The following OR3A2 variants were observed in gnomAD, a reference collection of about 807,000 sequenced individuals.
The protein encoded by OR3A2 is olfactory receptor family 3 subfamily A member 2, also known as olfactory receptor 3A2.
For synonymous variants in OR3A2, 126 were observed against 159.3 expected (o/e 0.79, Z 1.57); for missense variants, 318 against 392.8 (o/e 0.81, Z 1.61).
intron 2 of OR3A2, among the ~76,000 whole-genome samples, chr17:3,347,490 C>G (rs201124222): frequency 6.6e-6 from 1 of 152,018 alleles, no homozygotes; most frequent in Admixed American, 6.6e-5. Flanking sequence ...TGAGAACATG[C>G]GGTGTTTGGT....
intron 2 of OR3A2, among the ~76,000 whole-genome samples, chr17:3,362,500 T>C (rs1318413105): frequency 6.6e-6 from 1 of 151,766 alleles, no homozygotes; most frequent in Admixed American, 6.6e-5. Context: ...GTTCTTTTCA[T>C]TGTGATGTTA....
At chr17:3,367,013 G>A (rs189235859) in intron 2 of OR3A2, among the ~76,000 whole-genome samples, 1 of 152,160 alleles carries the variant, frequency 6.6e-6, no homozygotes, top group African/African-American at 2.4e-5. Flanking sequence ...TCTGCAACTG[G>A]TCCTGAACAT....
chr17:3,376,127 A>C (rs532301704), intron 2 of OR3A2, among the ~76,000 whole-genome samples: 2 of 152,204 alleles, frequency 1.3e-5, no homozygotes, highest in Non-Finnish European at 2.9e-5. Flanking sequence ...TCTCTGGTTG[A>C]CCAGGGTGTT....
At position 3,381,323 on chromosome 17, in the gene OR3A2, T is replaced by G. The variant is rs1468987382; in HGVS notation, c.-179+2481A>C. On this transcript the variant is annotated intron_variant, in intron 2 of 4. Coordinates refer to the OR3A2 transcript ENST00000573491. The stretch of plus-strand genomic sequence containing the variant: ...TGAGCTGCCTCAAACATAGGGTTTT[T>G]TTTTTTTTTTTAAATTCTAGATCCT... Among the ~76,000 whole-genome samples the G allele has an allele frequency of 7.4e-5, 11 of 148,014 alleles. No homozygotes were observed. The East Asian group carries it at 9.7e-4, about 13-fold the overall frequency.
At chr17:3,297,509 G>A (rs554990543) in intron 3 of OR3A2, among the ~76,000 whole-genome samples, 1 of 147,750 alleles carries the variant, frequency 6.8e-6, no homozygotes, top group Non-Finnish European at 1.5e-5. Context: ...CTCTGTAAAG[G>A]TTTTCCTGGT....
At chr17:3,296,885 T>C (rs2048922945) in intron 3 of OR3A2, among the ~76,000 whole-genome samples, 4 of 152,238 alleles carry the variant, frequency 2.6e-5, no homozygotes, top group Admixed American at 2.0e-4. Context: ...GGAATCATTT[T>C]TTCCAATGTT....
At chr17:3,318,749 A>G (rs1448622106) in intron 3 of OR3A2, among the ~76,000 whole-genome samples, 1 of 152,158 alleles carries the variant, frequency 6.6e-6, no homozygotes, top group Non-Finnish European at 1.5e-5. Flanking sequence ...TTCCACAGCT[A>G]TTTCCCTAAA....
intron 3 of OR3A2, among the ~76,000 whole-genome samples, chr17:3,320,792 T>G (rs561177532): frequency 9.2e-5 from 14 of 152,128 alleles, no homozygotes; most frequent in Non-Finnish European, 1.6e-4. Context: ...CCTTGCAGTA[T>G]AGTTGGAAGT....
intron 3 of OR3A2, among the ~76,000 whole-genome samples, chr17:3,301,960 G>A (rs898278453): frequency 6.6e-6 from 1 of 152,106 alleles, no homozygotes; most frequent in African/African-American, 2.4e-5. Context: ...CAGACAAGCA[G>A]AGAGCCAAAT....
chr17:3,291,600 C>T (rs371054292), intron 3 of OR3A2: 3 of 1,512,922 alleles, frequency 2.0e-6, no homozygotes, highest in African/African-American at 2.8e-5. Context: ...TCCTTTAGTA[C>T]AAGACACAGG....
At chr17:3,373,235 T>A (rs1410300747) in intron 2 of OR3A2, among the ~76,000 whole-genome samples, 1 of 152,216 alleles carries the variant, frequency 6.6e-6, no homozygotes, top group Non-Finnish European at 1.5e-5. Context: ...TCTTGGAGAA[T>A]GTTCTATGTG....
intron 3 of OR3A2, among the ~76,000 whole-genome samples, chr17:3,326,499 T>A (rs2049174112): frequency 6.6e-6 from 1 of 152,034 alleles, no homozygotes; most frequent in South Asian, 2.1e-4. Flanking sequence ...TATGGACATT[T>A]ATCAGTTCCC....
intron 2 of OR3A2, among the ~76,000 whole-genome samples, chr17:3,344,650 A>G (rs1395959551): frequency 6.6e-6 from 1 of 152,108 alleles, no homozygotes; most frequent in Non-Finnish European, 1.5e-5. Flanking sequence ...AAATCCCTCA[A>G]ACCACCTACA....
chr17:3,366,268 T>A (rs557930049), intron 2 of OR3A2, among the ~76,000 whole-genome samples: 1 of 152,208 alleles, frequency 6.6e-6, no homozygotes, highest in Admixed American at 6.5e-5. Flanking sequence ...CTCATTTTCA[T>A]ATTAATCTGT....
intron 3 of OR3A2, among the ~76,000 whole-genome samples, chr17:3,316,510 A>G (rs919196826): frequency 6.6e-6 from 1 of 152,244 alleles, no homozygotes; most frequent in Non-Finnish European, 1.5e-5. Context: ...CAGCAGAATT[A>G]TAACAGTAGT....
intron 3 of OR3A2, among the ~76,000 whole-genome samples, chr17:3,333,924 C>G (rs921504900): frequency 6.6e-6 from 1 of 151,928 alleles, no homozygotes; most frequent in Non-Finnish European, 1.5e-5. Context: ...AACAACCAAC[C>G]CCATCAAAAA....
intron 1 of OR3A2, among the ~76,000 whole-genome samples, chr17:3,279,723 G>T (rs1462618117): frequency 6.6e-6 from 1 of 152,206 alleles, no homozygotes; most frequent in East Asian, 1.9e-4. Context: ...GAGACGTGGA[G>T]GTTGCAGTGA....
chr17:3,292,349 G>A (rs144484709), intron 3 of OR3A2: 62 of 1,614,006 alleles, frequency 3.8e-5, no homozygotes, highest in South Asian at 2.7e-4. Context: ...GAACAGTGAC[G>A]CTGATGCACC....
At chr17:3,314,939 T>C (rs2049069576) in intron 3 of OR3A2, among the ~76,000 whole-genome samples, 2 of 152,194 alleles carry the variant, frequency 1.3e-5, no homozygotes, top group African/African-American at 2.4e-5. Flanking sequence ...AACGTGGTAT[T>C]TTATTTTCTC....
Sources: allele counts gnomAD v4.1 joint callset (sites outside exome capture counted in the v4.1 genomes callset), GRCh38; gene constraint gnomAD v4.1.1; transcripts MANE v1.5; gene names NCBI Gene and HGNC (gene_info 2026-07-23, HGNC 2026-07-21).